OMA1: variants seen among roughly 807,000 people sequenced by gnomAD.
OMA1 encodes metalloendopeptidase OMA1, mitochondrial.
In OMA1, 38 loss-of-function variants were observed where a neutral mutation model predicts 30.9. That is an observed-to-expected ratio of 1.23 (90% confidence interval 0.95 to 1.61). OMA1 has a LOEUF of 1.61. OMA1 is among the 40% of genes most tolerant of loss of function. The pLI, the probability that OMA1 is intolerant of heterozygous loss-of-function variation, is 0.00. For synonymous variants in OMA1, 173 were observed against 121.9 expected (o/e 1.42, Z -2.76); for missense variants, 461 against 349.2 (o/e 1.32, Z -2.55).
chr1:58,481,079 T>C lies in OMA1; in HGVS notation c.1461A>G (p.Glu487=), dbSNP rs1645473628. ...TGATATTTAGGTCTTCTTTCTCTGA[T>C]TCTTCAAGAAAATGCTTCGTGCTGA... ...FKLSTKHFLE[E]SEKEDLNITK... The change falls in exon 9 of 9, where the codon GAA becomes GAG. Residue 487 remains glutamate, a synonymous_variant. Transcript: ENST00000371226. 8.0e-6 allele frequency: 7 copies of C among 872,016 alleles called. No homozygotes were observed. Among genetic ancestry groups the C allele is most frequent in the Admixed American group, 5.1e-5 (3 of 59,104 alleles). The allele number at this position is 872,016 out of a possible 1,614,324, so 54.0% of individuals were successfully genotyped here.
intron 8 of OMA1, among the ~76,000 whole-genome samples, chr1:58,482,768 A>G (rs1278710808): frequency 6.6e-6 from 1 of 152,178 alleles, no homozygotes; most frequent in Non-Finnish European, 1.5e-5. Flanking sequence ...GGGAGCTGCG[A>G]GTACAAGGGA....
intron 8 of OMA1, among the ~76,000 whole-genome samples, chr1:58,500,338 G>A (rs1645886257): frequency 1.3e-5 from 2 of 152,128 alleles, no homozygotes; most frequent in South Asian, 2.1e-4. Flanking sequence ...AAGGTGAACA[G>A]TGTATGTTTG....
intron 5 of OMA1, among the ~76,000 whole-genome samples, chr1:58,531,008 T>A (rs995285449): frequency 1.3e-5 from 2 of 152,330 alleles, no homozygotes; most frequent in African/African-American, 4.8e-5. Flanking sequence ...GGCATAATAA[T>A]CTTGTGAAAT....
chr1:58,506,388 T>A (rs1411322627), intron 7 of OMA1, among the ~76,000 whole-genome samples, 179 bp from the exon 8 acceptor site: 3 of 152,246 alleles, frequency 2.0e-5, no homozygotes, highest in Non-Finnish European at 4.4e-5. Flanking sequence ...CTGTACCCAT[T>A]AACTCGTCAT....
Position 58,539,125 on chromosome 1 carries a change from T to C in OMA1, c.170A>G (p.Gln57Arg). The change falls in exon 2 of 9, where the codon CAG becomes CGG. Residue 57 changes from glutamine (Q) to arginine (R), a missense_variant. Gln to Arg is a conservative substitution (Grantham distance 43, BLOSUM62 1). Coordinates refer to ENST00000371226, the MANE Select transcript of OMA1 (RefSeq NM_145243.5). Reference sequence around the variant, plus strand: ...AGGCAGAAAACTCCACCTGTCACACTGATTTACTCCCAGTCCCTGATACTT... The same window carrying C: ...AGGCAGAAAACTCCACCTGTCACACCGATTTACTCCCAGTCCCTGATACTT... ...VNKYQGLGVN[Q>R]CDRWSFLPGN... 1.1e-6 allele frequency: 1 copy of C among 872,998 alleles called. No homozygotes were observed. The highest frequency in any genetic ancestry group is 2.0e-6 in the Non-Finnish European group (1 of 501,660). 54.1% of individuals were successfully genotyped at this position (872,998 alleles called of 1,614,324 possible). A position where few individuals can be genotyped will look rare whatever the true frequency, so the allele number is the denominator to read the frequency against.
At chr1:58,528,215 C>A (rs1181368114) in intron 6 of OMA1, among the ~76,000 whole-genome samples, 1 of 152,200 alleles carries the variant, frequency 6.6e-6, no homozygotes, top group Non-Finnish European at 1.5e-5. Flanking sequence ...GTGCCCCCGT[C>A]AAGTCTATTG....
At chr1:58,496,235 G>A (rs1188575629) in intron 8 of OMA1, among the ~76,000 whole-genome samples, 2 of 151,336 alleles carry the variant, frequency 1.3e-5, no homozygotes, top group South Asian at 2.1e-4. Flanking sequence ...CCGCATCAAT[G>A]AGTCTTTGCT....
At chr1:58,528,556 G>A (rs934464530) in intron 6 of OMA1, among the ~76,000 whole-genome samples, 2 of 152,194 alleles carry the variant, frequency 1.3e-5, no homozygotes, top group African/African-American at 4.8e-5. Flanking sequence ...TCATAACTGA[G>A]AGGAGGGAGA....
chr1:58,495,637 T>G (rs1238251751), intron 8 of OMA1, among the ~76,000 whole-genome samples: 1 of 152,070 alleles, frequency 6.6e-6, no homozygotes, highest in South Asian at 2.1e-4. Flanking sequence ...AAGAGCACTG[T>G]TGCAACCAAG....
intron 7 of OMA1, among the ~76,000 whole-genome samples, chr1:58,512,229 A>G (rs1646088026): frequency 6.6e-6 from 1 of 152,190 alleles, no homozygotes; most frequent in African/African-American, 2.4e-5. Flanking sequence ...TAGGTTATCT[A>G]TCATTGAAAA....
chr1:58,536,152 A>G (rs1488640663), intron 3 of OMA1, among the ~76,000 whole-genome samples: 1 of 152,186 alleles, frequency 6.6e-6, no homozygotes, highest in Non-Finnish European at 1.5e-5. Context: ...AGTAAAGCCA[A>G]GCAATGGGCG....
chr1:58,494,476 C>T (rs995232715), intron 8 of OMA1, among the ~76,000 whole-genome samples: 1 of 152,168 alleles, frequency 6.6e-6, no homozygotes, highest in Non-Finnish European at 1.5e-5. Flanking sequence ...TCAGAGTGAA[C>T]AGGCAACCTA....
chr1:58,495,671 T>C (rs1645787857), intron 8 of OMA1, among the ~76,000 whole-genome samples: 1 of 151,860 alleles, frequency 6.6e-6, no homozygotes, highest in Non-Finnish European at 1.5e-5. Flanking sequence ...TATTGTCCTA[T>C]GTGTTTCATT....
At chr1:58,490,883 G>A (rs1300847937) in intron 8 of OMA1, among the ~76,000 whole-genome samples, 3 of 126,342 alleles carry the variant, frequency 2.4e-5, no homozygotes, top group African/African-American at 8.9e-5. Context: ...TCGGCTCACA[G>A]CAAGCTCTGC....
chr1:58,528,366 T>G (rs1259848605), intron 6 of OMA1, among the ~76,000 whole-genome samples: 1 of 152,194 alleles, frequency 6.6e-6, no homozygotes, highest in East Asian at 1.9e-4. Flanking sequence ...ATGAAGCTAG[T>G]AACAGTTCCA....
At chr1:58,486,597 A>G (rs867671960) in intron 8 of OMA1, among the ~76,000 whole-genome samples, 12 of 152,242 alleles carry the variant, frequency 7.9e-5, no homozygotes, top group South Asian at 2.1e-4. Flanking sequence ...TGGATACAGC[A>G]GTGTACAAAG....
chr1:58,499,882 A>C (rs1422201991), intron 8 of OMA1, among the ~76,000 whole-genome samples: 2 of 152,202 alleles, frequency 1.3e-5, no homozygotes, highest in African/African-American at 2.4e-5. Context: ...CTGCTAATAC[A>C]CATCAGTATT....
At chr1:58,528,398 G>C (rs1646383810) in intron 6 of OMA1, among the ~76,000 whole-genome samples, 1 of 152,166 alleles carries the variant, frequency 6.6e-6, no homozygotes, top group South Asian at 2.1e-4. Flanking sequence ...CTGCAGAGGG[G>C]ATTAAATGAA....
intron 7 of OMA1, among the ~76,000 whole-genome samples, chr1:58,508,676 C>T (rs1489968523): frequency 6.6e-6 from 1 of 152,106 alleles, no homozygotes; most frequent in Non-Finnish European, 1.5e-5. Flanking sequence ...TCTGTCTTGC[C>T]AGCCTTGTAG....
Sources: gnomAD v4.1 joint callset for allele counts (sites outside exome capture counted in the v4.1 genomes callset) on GRCh38, gnomAD v4.1.1 for gene constraint, MANE v1.5 for transcripts, NCBI Gene and HGNC (gene_info 2026-07-23, HGNC 2026-07-21) for gene names.